Variants in SERF2 observed in about 807,000 individuals in gnomAD.
SERF2 encodes the protein small EDRK-rich factor 2.
In SERF2, 4 loss-of-function variants were observed where a neutral mutation model predicts 10.7. That is an observed-to-expected ratio of 0.37 (90% confidence interval 0.18 to 0.86). The LOEUF (loss-of-function observed/expected upper bound fraction) is 0.86. Ranked by LOEUF, SERF2 falls within the 40% of genes least tolerant of loss-of-function variation. The pLI is 0.43. For missense variants in SERF2, 47 were observed against 79.1 expected (o/e 0.59, Z 1.54); for synonymous variants, 26 against 26.0 (o/e 1.00, Z 0.01).
At chr15:43,783,832 G>C (rs1425877407) in intron 1 of SERF2, among the ~76,000 whole-genome samples, 1 of 150,750 alleles carries the variant, frequency 6.6e-6, no homozygotes, top group African/African-American at 2.4e-5. Flanking sequence ...CGTGATCTTG[G>C]CTCACTGAAA....
upstream of SERF2, chr15:43,792,079 C>T (rs2087070898): frequency 1.7e-5 from 9 of 518,258 alleles, no homozygotes; most frequent in East Asian, 3.1e-4. Flanking sequence ...ACCCCTCCAC[C>T]CCCAACCTGC....
chr15:43,795,631 T>A lies in SERF2; in HGVS notation c.*1858T>A. ...TACCTTTGTTAAGGCTCTTGAGGGT[T>A]CTTATGGCACTCCACAGAGATCTAC... On this transcript the variant is annotated 3_prime_UTR_variant, in exon 3 of 3. Transcript: ENST00000249786. 1 of 1,606,944 alleles carries A rather than the reference T, an allele frequency of 6.2e-7. No individual in the cohort carries two copies.
chr15:43,795,480 T>C lies in SERF2; in HGVS notation c.*1707T>C, dbSNP rs2087189305. The C allele has an allele frequency of 2.5e-6, 4 of 1,614,180 alleles. No homozygotes were observed. Among genetic ancestry groups the C allele is most frequent in the African/African-American group, 1.3e-5 (1 of 75,060 alleles). On this transcript the variant is annotated 3_prime_UTR_variant, in exon 3 of 3. Coordinates refer to ENST00000249786, the MANE Select transcript of SERF2 (RefSeq NM_001018108.4). ...AATAGTTGTAGGAAAGATGCTGGAC[T>C]TGGACTGGAGGAGCTGGAGGGGTTT...
chr15:43,783,870 C>G (rs2086983801), intron 1 of SERF2, among the ~76,000 whole-genome samples: 1 of 150,570 alleles, frequency 6.6e-6, no homozygotes, highest in African/African-American at 2.4e-5. Context: ...ATGTGATTCT[C>G]CTGTCTCAGC....
upstream of SERF2, among the ~76,000 whole-genome samples, chr15:43,789,906 C>T (rs890571693): frequency 9.2e-5 from 14 of 151,772 alleles, no homozygotes; most frequent in East Asian, 2.1e-3. Context: ...TGTGGGAGGC[C>T]GAGGCAGGTG....
At position 43,793,848 on chromosome 15, in the gene SERF2, C is replaced by G. The variant is rs771499128; in HGVS notation, c.*75C>G. On this transcript the variant is annotated 3_prime_UTR_variant, in exon 3 of 3. Coordinates refer to ENST00000249786, the MANE Select transcript of SERF2 (RefSeq NM_001018108.4). ...GCCAGTCCCACCACGCTCGCGTTTCCTCCTGTAGTGCTCACAGGTCCCAGC... is the reference window on the plus strand; with the variant it reads ...GCCAGTCCCACCACGCTCGCGTTTCGTCCTGTAGTGCTCACAGGTCCCAGC... 1 of 1,613,782 alleles carries G rather than the reference C, an allele frequency of 6.2e-7. No homozygotes were observed. Among genetic ancestry groups the G allele is most frequent in the Non-Finnish European group, 8.5e-7 (1 of 1,179,832 alleles).
At position 43,793,520 on chromosome 15, in the gene SERF2, C is replaced by T. The variant is rs186275788; in HGVS notation, c.117-190C>T. On this transcript the variant is annotated intron_variant, in intron 2 of 2. Transcript: ENST00000249786. Reference sequence around the variant, plus strand: ...AGACTTCTGACCCCTTGGGCAACAGCCAGATGGAGACTGGTCGCCTTTTGA... The same window carrying T: ...AGACTTCTGACCCCTTGGGCAACAGTCAGATGGAGACTGGTCGCCTTTTGA... The T allele has an allele frequency of 5.2e-4, 764 of 1,462,846 alleles. 16 individuals are homozygous for T. The Admixed American group carries it at 0.019, about 36-fold the overall frequency. 90.6% of individuals were successfully genotyped at this position (1,462,846 alleles called of 1,614,324 possible).
At chr15:43,779,951 C>T (rs1056500737) in intron 1 of SERF2, among the ~76,000 whole-genome samples, 4 of 152,048 alleles carry the variant, frequency 2.6e-5, no homozygotes, top group Admixed American at 6.6e-5. Flanking sequence ...GTTGAAGATA[C>T]ATCTAAATAT....
At chr15:43,787,701 ATT>A (rs769570867), upstream of SERF2, among the ~76,000 whole-genome samples, 10 of 141,048 alleles carry the variant, frequency 7.1e-5, no homozygotes, top group Non-Finnish European at 4.7e-5. Context: ...CCCAGCCAGA[ATT>A]TTTTTTTTTT....
At position 43,793,865 on chromosome 15, in the gene SERF2, G is replaced by T; in HGVS notation, c.*92G>T. The stretch of plus-strand genomic sequence containing the variant: ...CGCGTTTCCTCCTGTAGTGCTCACA[G>T]GTCCCAGCACCGATGGCATTCCCTT... On this transcript the variant is annotated 3_prime_UTR_variant, in exon 3 of 3. Coordinates refer to ENST00000249786, the MANE Select transcript of SERF2 (RefSeq NM_001018108.4). The T allele has an allele frequency of 6.2e-7, 1 of 1,612,326 alleles. No individual in the cohort carries two copies. The highest frequency in any genetic ancestry group is 8.5e-7 in the Non-Finnish European group (1 of 1,179,106).
chr15:43,791,143 G>A (rs1236886274), upstream of SERF2, among the ~76,000 whole-genome samples: 1 of 151,402 alleles, frequency 6.6e-6, no homozygotes, highest in Non-Finnish European at 1.5e-5. Flanking sequence ...GTGCGATCTC[G>A]GCTCACTGCA....
At chr15:43,792,678 C>G (rs961584150) in intron 1 of SERF2, 5 of 1,266,476 alleles carry the variant, frequency 3.9e-6, no homozygotes, top group Non-Finnish European at 5.3e-6. Flanking sequence ...GCCCATCCCC[C>G]ACGGAGACCC....
rs570003199 is a variant in SERF2, at chr15:43,795,996, G to T, written c.*2223G>T. The T allele has an allele frequency of 1.5e-6, 1 of 669,232 alleles. No individual in the cohort carries two copies. The highest frequency in any genetic ancestry group is 1.9e-5 in the South Asian group (1 of 53,714). The allele number at this position is 669,232 out of a possible 1,614,324, so 41.5% of individuals were successfully genotyped here. A position where few individuals can be genotyped will look rare whatever the true frequency, so the allele number is the denominator to read the frequency against. On this transcript the variant is annotated 3_prime_UTR_variant, in exon 3 of 3. Coordinates refer to ENST00000249786, the MANE Select transcript of SERF2 (RefSeq NM_001018108.4). ...TGAGGGTTAAATTAAATGAGATTAT[G>T]TAAAAGTATCTAGCACAGTTGCCTA...
At chr15:43,789,110 C>T (rs866589929), upstream of SERF2, among the ~76,000 whole-genome samples, 17 of 150,414 alleles carry the variant, frequency 1.1e-4, no homozygotes, top group Middle Eastern at 3.2e-3. Context: ...GATGGCGCCA[C>T]TGCACTCCAG....
chr15:43,791,657 T>C (rs914049178), upstream of SERF2, among the ~76,000 whole-genome samples: 1 of 152,250 alleles, frequency 6.6e-6, no homozygotes, highest in Non-Finnish European at 1.5e-5. Context: ...CCATAGTCTG[T>C]GACTTTTGGA....
Position 43,795,470 on chromosome 15 carries a change from G to T in SERF2, c.*1697G>T, listed in dbSNP as rs1300665479. ...TGGAAGGCAGAATAGTTGTAGGAAA[G>T]ATGCTGGACTTGGACTGGAGGAGCT... On this transcript the variant is annotated 3_prime_UTR_variant, in exon 3 of 3. Transcript: ENST00000249786. 6.2e-7 allele frequency: 1 copy of T among 1,614,236 alleles called. No homozygotes were observed.
upstream of SERF2, among the ~76,000 whole-genome samples, chr15:43,787,875 T>G (rs1332543335): frequency 9.4e-6 from 1 of 106,896 alleles, no homozygotes; most frequent in Non-Finnish European, 1.8e-5. Context: ...GATTTTTAGT[T>G]TTTTTTTTTT....
At position 43,794,621 on chromosome 15, in the gene SERF2, C is replaced by A; in HGVS notation, c.*848C>A. The A allele has an allele frequency of 5.1e-6, 1 of 197,840 alleles. No homozygotes were observed. Among genetic ancestry groups the A allele is most frequent in the East Asian group, 1.2e-4 (1 of 8,662 alleles). The allele number at this position is 197,840 out of a possible 1,614,324, so 12.3% of individuals were successfully genotyped here. Reference sequence around the variant, plus strand: ...ATATCCGTGTGCCCAGGGCTGAACTCCTTATTTTCCTTTCTCCAAGGGCAG... The same window carrying A: ...ATATCCGTGTGCCCAGGGCTGAACTACTTATTTTCCTTTCTCCAAGGGCAG... On this transcript the variant is annotated 3_prime_UTR_variant, in exon 3 of 3. Transcript: ENST00000249786.
Position 43,794,059 on chromosome 15 carries a change from G to C in SERF2, c.*286G>C, listed in dbSNP as rs973500313. 4 of 1,299,046 alleles carry C rather than the reference G, an allele frequency of 3.1e-6. No homozygotes were observed. In the African/African-American group the frequency reaches 6.0e-5, roughly 19 times the overall value. 80.5% of individuals were successfully genotyped at this position (1,299,046 alleles called of 1,614,324 possible). On this transcript the variant is annotated 3_prime_UTR_variant, in exon 3 of 3. Coordinates refer to ENST00000249786, the MANE Select transcript of SERF2 (RefSeq NM_001018108.4). ...AGCTTTGTAATTCCTTGAGCGCCTG[G>C]TTTGACTGGGGACTTGGGGGGATGG...
Sources: allele counts gnomAD v4.1 joint callset (sites outside exome capture counted in the v4.1 genomes callset), GRCh38; gene constraint gnomAD v4.1.1; transcripts MANE v1.5; gene names NCBI Gene and HGNC (gene_info 2026-07-23, HGNC 2026-07-21).